PIGL: variants seen among roughly 807,000 people sequenced by gnomAD.
The protein encoded by PIGL is phosphatidylinositol glycan anchor biosynthesis class L, also known as N-acetylglucosaminyl-phosphatidylinositol de-N-acetylase.
PIGL carries 22 observed loss-of-function variants against 31.1 expected under a neutral mutation model. That is an observed-to-expected ratio of 0.71 (90% CI 0.51 to 1.01). PIGL has a LOEUF of 1.01. Among genes scored for constraint, PIGL ranks in the 50% least tolerant of loss-of-function variants. The pLI, the probability that PIGL is intolerant of heterozygous loss-of-function variation, is 0.00. For synonymous variants in PIGL, 131 were observed against 117.4 expected, an observed-to-expected ratio of 1.12 and a Z score of -0.75; for missense variants, 302 against 315.9, an observed-to-expected ratio of 0.96 and a Z score of 0.33.
intron 2 of PIGL, among the ~76,000 whole-genome samples, chr17:16,242,355 G>T (rs1036271524): frequency 6.6e-6 from 1 of 151,996 alleles, no homozygotes; most frequent in African/African-American, 2.4e-5. Context: ...AGTCTATATA[G>T]AACTTTTTAT....
chr17:16,312,664 A>G (rs904051126), intron 3 of PIGL: 14 of 178,758 alleles, frequency 7.8e-5, no homozygotes, highest in African/African-American at 2.6e-4. Context: ...TCCGTCTGCA[A>G]TCCCGGCACC....
chr17:16,285,047 G>A (rs1396640885), intron 2 of PIGL, among the ~76,000 whole-genome samples: 1 of 152,032 alleles, frequency 6.6e-6, no homozygotes, highest in East Asian at 1.9e-4. Flanking sequence ...TAAACTCCTG[G>A]CCTCAAGCAG....
At chr17:16,219,200 G>A (rs937463999) in intron 1 of PIGL, among the ~76,000 whole-genome samples, 1 of 151,164 alleles carries the variant, frequency 6.6e-6, no homozygotes. Context: ...GCGCCCGCCC[G>A]CCACCATGCC....
intron 4 of PIGL, 25 bp downstream of exon 4, chr17:16,313,639 T>G (rs749658665): frequency 1.9e-6 from 3 of 1,568,636 alleles, no homozygotes; most frequent in African/African-American, 1.4e-5. Flanking sequence ...GTGATGGATG[T>G]GGGGGAGGGT....
At chr17:16,257,438 C>T (rs1270031179) in intron 2 of PIGL, among the ~76,000 whole-genome samples, 1 of 151,586 alleles carries the variant, frequency 6.6e-6, no homozygotes, top group African/African-American at 2.4e-5. Flanking sequence ...AAAACCCAAA[C>T]AAAAAGAACA....
At chr17:16,287,139 G>C (rs887837600) in intron 2 of PIGL, among the ~76,000 whole-genome samples, 1 of 152,216 alleles carries the variant, frequency 6.6e-6, no homozygotes, top group African/African-American at 2.4e-5. Context: ...AGCCATGGCT[G>C]CGCAGGCACC....
At chr17:16,260,008 GTCGCAACCTGCC>G (rs2092812685) in intron 2 of PIGL, among the ~76,000 whole-genome samples, 1 of 152,226 alleles carries the variant, frequency 6.6e-6, no homozygotes, top group Non-Finnish European at 1.5e-5. Flanking sequence ...CCCAGGCACT[GTCGCAACCTGCC>G]ACAGTGCACG....
intron 6 of PIGL, 136 bp downstream of exon 6, chr17:16,318,044 G>A (rs1030844545): frequency 1.5e-6 from 1 of 646,386 alleles, no homozygotes; most frequent in Non-Finnish European, 2.7e-6. Context: ...GAGAATTAGG[G>A]CTAGGCCAGC....
chr17:16,247,928 C>A (rs946085978), intron 2 of PIGL, among the ~76,000 whole-genome samples: 4 of 152,064 alleles, frequency 2.6e-5, no homozygotes, highest in Non-Finnish European at 4.4e-5. Context: ...CACTCTGTCG[C>A]CCAGGCTGGA....
intron 2 of PIGL, among the ~76,000 whole-genome samples, chr17:16,294,505 C>T (rs1425696883): frequency 6.6e-6 from 1 of 152,160 alleles, no homozygotes; most frequent in East Asian, 1.9e-4. Context: ...CAGGTTATTG[C>T]TTTTCCATAA....
At chr17:16,235,055 TA>T (rs1464983096) in intron 2 of PIGL, among the ~76,000 whole-genome samples, 3 of 152,200 alleles carry the variant, frequency 2.0e-5, no homozygotes, top group African/African-American at 7.2e-5. Flanking sequence ...TGAAACATTT[TA>T]AAGAAAACTC....
intron 3 of PIGL, among the ~76,000 whole-genome samples, chr17:16,302,577 G>C (rs993964276): frequency 5.9e-5 from 9 of 152,044 alleles, no homozygotes; most frequent in African/African-American, 2.2e-4. Context: ...TGCTCCTGCT[G>C]TAGGGTACTC....
At chr17:16,293,587 T>A (rs187730231) in intron 2 of PIGL, among the ~76,000 whole-genome samples, 8 of 152,356 alleles carry the variant, frequency 5.3e-5, no homozygotes, top group Admixed American at 5.2e-4. Context: ...CAGCCCCCAG[T>A]GGCTGGTATA....
At position 16,319,223 on chromosome 17, in the gene PIGL, CAAAAAAA is replaced by C. The variant is rs11379081; in HGVS notation, c.660+1331_660+1337del. Among the ~76,000 whole-genome samples, 208 of 82,988 alleles carry C rather than the reference CAAAAAAA, an allele frequency of 2.5e-3. 1 individual carries two copies. The highest frequency in any genetic ancestry group is 8.0e-3 in the African/African-American group (180 of 22,492). The allele number at this position is 82,988 out of a possible 152,430, so 54.4% of individuals were successfully genotyped here. A position where few individuals can be genotyped will look rare whatever the true frequency, so the allele number is the denominator to read the frequency against. The stretch of plus-strand genomic sequence containing the variant: ...CTGGGCAACAGAGCCAGACCCTAGC[CAAAAAAA>C]AAAAAAAAAAAAAAATCAAAACTAT... On this transcript the variant is annotated intron_variant, in intron 6 of 6. Coordinates refer to ENST00000225609, the MANE Select transcript of PIGL (RefSeq NM_004278.4).
intron 2 of PIGL, among the ~76,000 whole-genome samples, chr17:16,250,396 TATC>T (rs2142725530): frequency 6.6e-6 from 1 of 152,316 alleles, no homozygotes; most frequent in Admixed American, 6.5e-5. Flanking sequence ...TCTTGGAACA[TATC>T]ATCCACAGGT....
intron 3 of PIGL, among the ~76,000 whole-genome samples, chr17:16,303,713 ATT>A (rs35504589): frequency 3.7e-5 from 5 of 135,720 alleles, no homozygotes; most frequent in Admixed American, 7.2e-5. Flanking sequence ...TCATTTTTGT[ATT>A]TTTTTTTTTC....
intron 2 of PIGL, 70 bp downstream of exon 2, chr17:16,234,140 C>G (rs1216200542): frequency 2.3e-6 from 2 of 865,230 alleles, no homozygotes; most frequent in African/African-American, 3.4e-5. Flanking sequence ...AAAAGACACA[C>G]AAAAAACTAA....
At chr17:16,239,221 C>A (rs935569935) in intron 2 of PIGL, among the ~76,000 whole-genome samples, 1 of 151,408 alleles carries the variant, frequency 6.6e-6, no homozygotes, top group Non-Finnish European at 1.5e-5. Flanking sequence ...GGGTGGCTCA[C>A]GCCTGTAATC....
intron 2 of PIGL, among the ~76,000 whole-genome samples, chr17:16,243,146 G>T (rs564075451): frequency 6.6e-6 from 1 of 152,196 alleles, no homozygotes; most frequent in East Asian, 1.9e-4. Context: ...CACCTCTCGG[G>T]TTCAAGCAAT....
Sources: gnomAD v4.1 joint callset for allele counts (sites outside exome capture counted in the v4.1 genomes callset) on GRCh38, gnomAD v4.1.1 for gene constraint, MANE v1.5 for transcripts, NCBI Gene and HGNC (gene_info 2026-07-23, HGNC 2026-07-21) for gene names.